Variants in AKAP10 observed in about 807,000 individuals in gnomAD.
AKAP10 encodes the protein A-kinase anchor protein 10, mitochondrial.
Under a neutral mutation model 80.8 loss-of-function variants are expected in AKAP10, and 24 were observed. The observed-to-expected ratio is 0.30, with a 90% CI of 0.22 to 0.42. AKAP10 has a LOEUF of 0.42. Among genes scored for constraint, AKAP10 ranks in the 10% least tolerant of loss-of-function variants. The pLI is 1.00. For synonymous variants in AKAP10, 291 were observed against 277.7 expected (o/e 1.05, Z -0.48); for missense variants, 661 against 794.9 (o/e 0.83, Z 2.03).
At chr17:19,930,513 T>C (rs2042920571) in intron 10 of AKAP10, among the ~76,000 whole-genome samples, 1 of 152,000 alleles carries the variant, frequency 6.6e-6, no homozygotes, top group Non-Finnish European at 1.5e-5. Context: ...TTATAGGTAG[T>C]GGTTCACGCC....
chr17:19,947,372 A>AT (rs527691797), intron 5 of AKAP10, 35 bp downstream of exon 5: 4,409 of 1,274,744 alleles, frequency 3.5e-3, no homozygotes, highest in East Asian at 0.01. Context: ...ATTTTTTGTC[A>AT]TTTTTTTTTT....
chr17:19,919,048 G>GCA (rs145571077), intron 12 of AKAP10, among the ~76,000 whole-genome samples: 31,112 of 150,522 alleles, frequency 0.21, 3,492 homozygotes, highest in Middle Eastern at 0.29. Flanking sequence ...TTTATATTAG[G>GCA]TATATCTCCT....
At chr17:19,950,228 A>C (rs1379216446) in intron 4 of AKAP10, among the ~76,000 whole-genome samples, 3 of 152,194 alleles carry the variant, frequency 2.0e-5, no homozygotes, top group Non-Finnish European at 4.4e-5. Context: ...CACTCAAAAA[A>C]ATAAATAAAT....
rs747572284 is a variant in AKAP10, at chr17:19,906,237, A to AAAAAG, written c.1984-10_1984-6dup. 5.6e-6 allele frequency: 9 copies of AAAAAG among 1,606,180 alleles called. No homozygotes were observed. The highest frequency in any genetic ancestry group is 4.0e-5 in the African/African-American group (3 of 74,912). The stretch of plus-strand genomic sequence containing the variant: ...ATCTCAAGTTTTGAGTCATAACTGA[A>AAAAAG]AAAAGAAAAGAAAAGAAAATGGTAA... On this transcript the variant is annotated splice_polypyrimidine_tract_variant and splice_region_variant and intron_variant, in intron 14 of 14. Transcript: ENST00000225737.
At chr17:19,969,631 A>C (rs1252332122) in intron 1 of AKAP10, among the ~76,000 whole-genome samples, 1 of 152,112 alleles carries the variant, frequency 6.6e-6, no homozygotes, top group Non-Finnish European at 1.5e-5. Context: ...TGTGCTCTTA[A>C]ACATTGAAAG....
chr17:19,975,322 C>T (rs950305357), intron 1 of AKAP10, among the ~76,000 whole-genome samples: 1 of 152,194 alleles, frequency 6.6e-6, no homozygotes, highest in Admixed American at 6.5e-5. Context: ...TTTGGCATCT[C>T]GGCATTAGGA....
chr17:19,977,753 G>C lies in AKAP10; in HGVS notation c.-74C>G. ...GCGAAAAGGGACCCTTCTTCCGGGAGTGGGCCCCACCGCCTCCTCGGGATG... is the reference window on the plus strand; with the variant it reads ...GCGAAAAGGGACCCTTCTTCCGGGACTGGGCCCCACCGCCTCCTCGGGATG... On this transcript the variant is annotated 5_prime_UTR_variant, in exon 1 of 15. Coordinates refer to ENST00000225737, the MANE Select transcript of AKAP10 (RefSeq NM_007202.4). 3 of 974,774 alleles carry C rather than the reference G, an allele frequency of 3.1e-6. No individual in the cohort carries two copies. Among genetic ancestry groups the C allele is most frequent in the Non-Finnish European group, 4.0e-6 (3 of 751,002 alleles). 60.4% of individuals were successfully genotyped at this position (974,774 alleles called of 1,614,324 possible).
At chr17:19,922,887 G>A (rs1035993905) in intron 11 of AKAP10, among the ~76,000 whole-genome samples, 3 of 152,132 alleles carry the variant, frequency 2.0e-5, no homozygotes, top group South Asian at 2.1e-4. Context: ...GCAACAGAGC[G>A]AGACTCCGTC....
chr17:19,923,481 C>A (rs1196416192), intron 11 of AKAP10, among the ~76,000 whole-genome samples: 1 of 152,082 alleles, frequency 6.6e-6, no homozygotes, highest in Non-Finnish European at 1.5e-5. Flanking sequence ...AAACCTTTTA[C>A]TTCCTTCAAG....
chr17:19,950,994 G>C (rs1344604589), intron 4 of AKAP10, among the ~76,000 whole-genome samples: 1 of 146,994 alleles, frequency 6.8e-6, no homozygotes, highest in Non-Finnish European at 1.5e-5. Flanking sequence ...GTCTCTGCCC[G>C]ACCGCCACCC....
Position 19,936,389 on chromosome 17 carries a change from T to C in AKAP10, c.1364A>G (p.Asp455Gly), listed in dbSNP as rs143674477. 2.5e-6 allele frequency: 4 copies of C among 1,613,462 alleles called. No homozygotes were observed. The African/African-American group carries it at 5.3e-5, about 22-fold the overall frequency. Residue 455 changes from aspartate (D) to glycine (G), a missense_variant, in exon 9 of 15, where the codon GAT (aspartate) becomes GGT (glycine). Coordinates refer to ENST00000225737, the MANE Select transcript of AKAP10 (RefSeq NM_007202.4). ...LQATHPLGFD[D>G]VVRLEIESNI... ...GGATTCAATTTCTAATCGTACAACA[T>C]CATCAAATCCAAGAGGATGTGTGGC...
chr17:19,959,395 G>A (rs1275861807), intron 3 of AKAP10, among the ~76,000 whole-genome samples: 1 of 152,088 alleles, frequency 6.6e-6, no homozygotes, highest in East Asian at 1.9e-4. Context: ...AACCTTTTTG[G>A]AGGAGCATTC....
At chr17:19,949,742 T>G (rs886993102) in intron 4 of AKAP10, among the ~76,000 whole-genome samples, 1 of 142,226 alleles carries the variant, frequency 7.0e-6, no homozygotes, top group African/African-American at 2.6e-5. Flanking sequence ...CACTCCAGCC[T>G]GGTAACAGAA....
intron 5 of AKAP10, among the ~76,000 whole-genome samples, chr17:19,944,990 T>C (rs941480644): frequency 4.6e-5 from 7 of 152,220 alleles, no homozygotes. Flanking sequence ...TATATTAAAA[T>C]AGTCCAACTG....
chr17:19,932,682 G>A (rs1030521277), intron 9 of AKAP10, among the ~76,000 whole-genome samples: 2 of 151,928 alleles, frequency 1.3e-5, no homozygotes, highest in Admixed American at 6.6e-5. Context: ...CTCACCAGGC[G>A]TGTGATTGCT....
chr17:19,932,837 T>C (rs927757769), intron 9 of AKAP10, among the ~76,000 whole-genome samples: 1 of 152,080 alleles, frequency 6.6e-6, no homozygotes, highest in Non-Finnish European at 1.5e-5. Context: ...TAATTGTACA[T>C]AGATGTTTTT....
intron 12 of AKAP10, among the ~76,000 whole-genome samples, chr17:19,912,792 A>G (rs966233403): frequency 2.0e-5 from 3 of 152,144 alleles, no homozygotes; most frequent in African/African-American, 7.2e-5. Flanking sequence ...AGGCTAGTAA[A>G]TGATGAAAAT....
At chr17:19,920,609 G>A (rs1412191478) in intron 11 of AKAP10, among the ~76,000 whole-genome samples, 2 of 152,040 alleles carry the variant, frequency 1.3e-5, no homozygotes, top group Non-Finnish European at 2.9e-5. Context: ...TTGGGATGCC[G>A]AGGCAGGCGG....
In AKAP10 at chr17:19,949,759, ACT is replaced by A. The variant is rs201361265; in HGVS notation, c.878-2256_878-2255del. Among the ~76,000 whole-genome samples the A allele has an allele frequency of 2.7e-3, 384 of 140,292 alleles. 13 individuals carry two copies. In the East Asian group the frequency reaches 0.074, roughly 27 times the overall value. The allele number at this position is 140,292 out of a possible 152,430, so 92.0% of individuals were successfully genotyped here. On this transcript the variant is annotated intron_variant, in intron 4 of 14. Coordinates refer to ENST00000225737, the MANE Select transcript of AKAP10 (RefSeq NM_007202.4). The stretch of plus-strand genomic sequence containing the variant: ...CTCCAGCCTGGTAACAGAAAGAGAG[ACT>A]CTGTCTCAAAAAAAAAAGAGAAAAA...
Sources: gnomAD v4.1 joint callset for allele counts (sites outside exome capture counted in the v4.1 genomes callset) on GRCh38, gnomAD v4.1.1 for gene constraint, MANE v1.5 for transcripts, NCBI Gene and HGNC (gene_info 2026-07-23, HGNC 2026-07-21) for gene names.